DHX34: variants seen among roughly 807,000 people sequenced by gnomAD.
DHX34 encodes DExH-box helicase 34.
DHX34 carries 96 observed loss-of-function variants against 111.1 expected under a neutral mutation model. The ratio of observed to expected loss-of-function variants is 0.86; its 90% CI spans 0.73 to 1.02. The LOEUF is 1.02. Ranked by LOEUF, DHX34 falls within the 50% of genes least tolerant of loss-of-function variation. DHX34 has a pLI of 0.00. For synonymous variants in DHX34, 688 were observed against 670.4 expected, an observed-to-expected ratio of 1.03 and a Z score of -0.41; for missense variants, 1,560 against 1,579.9, an observed-to-expected ratio of 0.99 and a Z score of 0.21.
chr19:47,376,372 TGGA>T, intron 11 of DHX34, 68 bp from the exon 12 acceptor site: 2 of 1,558,416 alleles, frequency 1.3e-6, no homozygotes, highest in Non-Finnish European at 1.7e-6. Context: ...GGCCAGAGGG[TGGA>T]GGAGAGGCAT....
intron 3 of DHX34, among the ~76,000 whole-genome samples, chr19:47,356,457 C>T (rs1270989860): frequency 2.0e-5 from 3 of 151,872 alleles, no homozygotes; most frequent in Non-Finnish European, 4.4e-5. Flanking sequence ...TGGTGAAATC[C>T]CATCTCCACT....
intron 6 of DHX34, among the ~76,000 whole-genome samples, chr19:47,364,559 C>T (rs1216525017): frequency 6.6e-6 from 1 of 151,886 alleles, no homozygotes; most frequent in African/African-American, 2.4e-5. Context: ...CTAGGCAACA[C>T]GGTGAGGCCC....
intron 14 of DHX34, among the ~76,000 whole-genome samples, chr19:47,380,210 T>C (rs1437043338): frequency 6.6e-6 from 1 of 152,198 alleles, no homozygotes; most frequent in Non-Finnish European, 1.5e-5. Context: ...TACCCACTGC[T>C]GCCTTGTTTA....
Position 47,357,858 on chromosome 19 carries a change from CCT to C in DHX34, c.1018-4_1018-3del. 2 of 1,609,382 alleles carry C rather than the reference CCT, an allele frequency of 1.2e-6. No homozygotes were observed. The highest frequency in any genetic ancestry group is 1.7e-6 in the Non-Finnish European group (2 of 1,176,880). Reference sequence around the variant, plus strand: ...GGTGTGCTTCTACCTGGGGCTGTCTCCTCTCAGGTTGTGTACCAGCCGCAGGA... The same window carrying C: ...GGTGTGCTTCTACCTGGGGCTGTCTCCTCAGGTTGTGTACCAGCCGCAGGA... On this transcript the variant is annotated splice_polypyrimidine_tract_variant and splice_region_variant and intron_variant, in intron 3 of 16. Coordinates refer to ENST00000328771, the MANE Select transcript of DHX34 (RefSeq NM_014681.6).
In DHX34 at chr19:47,380,042, G is replaced by A. The variant is rs1303906256; in HGVS notation, c.2982+57G>A. ...ATGGCCAGAAGGGGCATCCGTCACT[G>A]GGCTTGAGCCTCGGGAAGGCCTGGC... On this transcript the variant is annotated intron_variant, in intron 14 of 16. Transcript: ENST00000328771. The A allele has an allele frequency of 1.1e-5, 17 of 1,516,596 alleles. 1 individual carries two copies. The highest frequency in any genetic ancestry group is 5.2e-5 in the South Asian group (4 of 77,332). 93.9% of individuals were successfully genotyped at this position (1,516,596 alleles called of 1,614,324 possible).
chr19:47,381,764 T>G, intron 16 of DHX34: 2 of 788,552 alleles, frequency 2.5e-6, no homozygotes, highest in African/African-American at 1.9e-5. Context: ...TGTCTCTCCT[T>G]GTGTCTTTCT....
chr19:47,362,587 G>T lies in DHX34; in HGVS notation c.1487G>T (p.Gly496Val), dbSNP rs1221804836. 1 of 1,613,762 alleles carries T rather than the reference G, an allele frequency of 6.2e-7. No individual in the cohort carries two copies. Among genetic ancestry groups the T allele is most frequent in the Non-Finnish European group, 8.5e-7 (1 of 1,179,938 alleles). ...CGGAAGGGCCGGGCGGGCCGCACGG[G>T]CCCCGGAGTCTGCTTCCGCCTCTAT... ...EQRKGRAGRT[G>V]PGVCFRLYAE... Residue 496 changes from glycine (G) to valine (V), a missense_variant, in exon 6 of 17, where the codon GGC becomes GTC. Transcript: ENST00000328771.
intron 7 of DHX34, among the ~76,000 whole-genome samples, chr19:47,369,348 G>C (rs532500122): frequency 6.6e-6 from 1 of 152,112 alleles, no homozygotes; most frequent in Non-Finnish European, 1.5e-5. Context: ...CACCATGTCG[G>C]CCGTGCTGGT....
chr19:47,371,204 C>G (rs746174644), intron 7 of DHX34, among the ~76,000 whole-genome samples: 1 of 152,146 alleles, frequency 6.6e-6, no homozygotes, highest in Non-Finnish European at 1.5e-5. Context: ...TGGCTTTGAT[C>G]GGAGGTGATG....
chr19:47,380,949 G>C lies in DHX34; in HGVS notation c.3116G>C (p.Gly1039Ala). The change falls in exon 15 of 17, where the codon GGG (glycine) becomes GCG (alanine). Residue 1039 changes from glycine to alanine, a missense_variant. By Grantham distance (60) the Gly-to-Ala change is moderately conservative. Coordinates refer to ENST00000328771, the MANE Select transcript of DHX34 (RefSeq NM_014681.6). ...SSTLSPHPTK[G>A]GYAVTDFLTY... ...ACCCTGTCCCCCCACCCCACAAAGGGGGGCTACGCAGTCACTGACTTCCTC... is the reference window on the plus strand; with the variant it reads ...ACCCTGTCCCCCCACCCCACAAAGGCGGGCTACGCAGTCACTGACTTCCTC... The C allele has an allele frequency of 1.2e-6, 2 of 1,602,604 alleles. No individual in the cohort carries two copies. Among genetic ancestry groups the C allele is most frequent in the African/African-American group, 2.7e-5 (2 of 74,488 alleles).
chr19:47,376,377 G>A (rs1970156554), intron 11 of DHX34, 66 bp from the exon 12 acceptor site: 5 of 1,562,936 alleles, frequency 3.2e-6, no homozygotes, highest in Non-Finnish European at 4.3e-6. Context: ...GAGGGTGGAG[G>A]AGAGGCATCC....
intron 4 of DHX34, among the ~76,000 whole-genome samples, chr19:47,358,770 A>G (rs1288179995): frequency 1.3e-5 from 2 of 151,916 alleles, no homozygotes; most frequent in Non-Finnish European, 2.9e-5. Context: ...ACCCGCCACC[A>G]CGTCCGGCTA....
At chr19:47,375,888 G>C in intron 10 of DHX34, 36 bp from the exon 11 acceptor site, 1 of 1,558,926 alleles carries the variant, frequency 6.4e-7, no homozygotes. Context: ...AGCCCCTCAG[G>C]TCCCCTAAGA....
intron 13 of DHX34, among the ~76,000 whole-genome samples, chr19:47,379,153 T>G (rs2016431): frequency 0.21 from 31,759 of 151,212 alleles, 4,662 homozygotes; most frequent in East Asian, 0.44. Flanking sequence ...TTAATAATAA[T>G]AATAATAAGA....
Position 47,353,352 on chromosome 19 carries a change from C to G in DHX34, c.322C>G (p.Leu108Val), listed in dbSNP as rs1246345711. Residue 108 changes from leucine (L) to valine (V), a missense_variant, in exon 2 of 17, where the codon CTC becomes GTC. Transcript: ENST00000328771. The surrounding 1 kb of genome is among the most constrained non-coding windows in gnomAD (Gnocchi z 4.6). The stretch of plus-strand genomic sequence containing the variant: ...TTACGACCCACGTTACCGCATCAAC[C>G]TCTCTGTTCTTGGCCCTGCCACGCG... The part of the protein sequence containing the change: ...RTYDPRYRIN[L>V]SVLGPATRGS... 1.2e-6 allele frequency: 2 copies of G among 1,614,080 alleles called. No individual in the cohort carries two copies. The highest frequency in any genetic ancestry group is 1.7e-6 in the Non-Finnish European group (2 of 1,180,046).
In DHX34 at chr19:47,382,014, G is replaced by A; in HGVS notation, c.3333G>A (p.Lys1111=). Residue 1111 remains lysine, a synonymous_variant, in exon 17 of 17, where the codon AAG becomes AAA. Coordinates refer to ENST00000328771, the MANE Select transcript of DHX34 (RefSeq NM_014681.6). ...AEEAALETLQ[K]TSVLQRPYHC... is the part of the protein sequence containing the mutation. ...AAGCTGCCCTCGAAACCCTCCAGAAGACATCTGTCCTGCAGAGGCCCTACC... is the reference window on the plus strand; with the variant it reads ...AAGCTGCCCTCGAAACCCTCCAGAAAACATCTGTCCTGCAGAGGCCCTACC... 1 of 1,614,104 alleles carries A rather than the reference G, an allele frequency of 6.2e-7. No homozygotes were observed. Among genetic ancestry groups the A allele is most frequent in the Non-Finnish European group, 8.5e-7 (1 of 1,179,988 alleles).
chr19:47,382,376 T>C lies in DHX34; in HGVS notation c.*263T>C. ...TTTCCTTCTTCCTGCTGCAGGGTGC[T>C]GCCTGAGGGGTCCTGGGTAGGAGGG... On this transcript the variant is annotated 3_prime_UTR_variant, in exon 17 of 17. Coordinates refer to ENST00000328771, the MANE Select transcript of DHX34 (RefSeq NM_014681.6). The C allele has an allele frequency of 1.8e-6, 1 of 541,842 alleles. No individual in the cohort carries two copies. Among genetic ancestry groups the C allele is most frequent in the Non-Finnish European group, 3.1e-6 (1 of 326,330 alleles). 33.6% of individuals were successfully genotyped at this position (541,842 alleles called of 1,614,324 possible). A position where few individuals can be genotyped will look rare whatever the true frequency, so the allele number is the denominator to read the frequency against.
chr19:47,360,100 A>T (rs1568397076), intron 5 of DHX34, 30 bp downstream of exon 5: 1 of 1,607,380 alleles, frequency 6.2e-7, no homozygotes, highest in Admixed American at 1.7e-5. Flanking sequence ...CCTACCCACC[A>T]CCCCCAAGGA....
intron 5 of DHX34, 147 bp from the exon 6 acceptor site, chr19:47,362,329 C>T (rs1369865210): frequency 8.7e-7 from 1 of 1,154,450 alleles, no homozygotes; most frequent in Non-Finnish European, 1.1e-6. Flanking sequence ...AACAAAATGT[C>T]AGAGTTGGGC....
Sources: gnomAD v4.1 joint callset for allele counts (sites outside exome capture counted in the v4.1 genomes callset) on GRCh38, gnomAD v4.1.1 for gene constraint, Gnocchi (gnomAD v3.1) non-coding constraint, MANE v1.5 for transcripts, NCBI Gene and HGNC (gene_info 2026-07-23, HGNC 2026-07-21) for gene names.